CPT1A: variants seen among roughly 807,000 people sequenced by gnomAD.
The protein encoded by CPT1A is carnitine O-palmitoyltransferase 1, liver isoform.
Under a neutral mutation model 100.8 loss-of-function variants are expected in CPT1A, and 64 were observed. The observed-to-expected ratio is 0.63, with a 90% CI of 0.52 to 0.78. The LOEUF (loss-of-function observed/expected upper bound fraction) is 0.78. CPT1A is among the 30% of genes least tolerant of loss of function. The probability of loss-of-function intolerance (pLI) is 0.00; values close to 1 mark genes in which losing one functional copy is unlikely to be tolerated. For missense variants in CPT1A, 802 were observed against 1,034.1 expected (o/e 0.78, Z 3.08); for synonymous variants, 363 against 396.0 (o/e 0.92, Z 0.99).
intron 12 of CPT1A, among the ~76,000 whole-genome samples, chr11:68,777,239 G>A (rs1855165157): frequency 1.3e-5 from 2 of 152,074 alleles, no homozygotes; most frequent in African/African-American, 2.4e-5. Context: ...AGACCAGCCT[G>A]GGCAATGTGG....
chr11:68,767,813 G>C (rs909866498), intron 14 of CPT1A, among the ~76,000 whole-genome samples: 1 of 152,176 alleles, frequency 6.6e-6, no homozygotes, highest in South Asian at 2.1e-4. Flanking sequence ...TGGGTTCACC[G>C]GGTTTTGTGT....
chr11:68,808,410 T>C (rs1365594906), intron 3 of CPT1A, among the ~76,000 whole-genome samples: 1 of 151,690 alleles, frequency 6.6e-6, no homozygotes, highest in African/African-American at 2.4e-5. Flanking sequence ...CTCGCTCTGC[T>C]GCCCAGGCTG....
At chr11:68,812,839 G>GC (rs1210409680) in intron 2 of CPT1A, among the ~76,000 whole-genome samples, 2 of 152,082 alleles carry the variant, frequency 1.3e-5, no homozygotes, top group Admixed American at 1.3e-4. Flanking sequence ...GACGCCCCGG[G>GC]CCATGATAAT....
chr11:68,782,836 C>G (rs2924683), intron 10 of CPT1A, among the ~76,000 whole-genome samples: 139,979 of 152,274 alleles, frequency 0.92, 64,557 homozygotes, highest in Non-Finnish European at 0.95. Flanking sequence ...AAAGGTGACG[C>G]TGACGGTGGC....
In CPT1A at chr11:68,761,615, C is replaced by T. The variant is rs760769734; in HGVS notation, c.1948G>A (p.Gly650Ser). The T allele has an allele frequency of 3.7e-6, 6 of 1,613,962 alleles. No individual in the cohort carries two copies. The highest frequency in any genetic ancestry group is 2.2e-5 in the East Asian group (1 of 44,878). ...AAGAGGTGACGATCGATCCCAGAGC[C>T]GGTCATGGCGAGGCGATACATATGC... ...HQHMYRLAMT[G>S]SGIDRHLFCL... Residue 650 changes from glycine to serine, a missense_variant, in exon 16 of 19, where the codon GGC becomes AGC. Gly to Ser is a moderately conservative substitution (Grantham distance 56). Around this residue, in one of 4 missense-constraint regions of CPT1A, gnomAD observed 627 missense variants for 799.3 expected, o/e 0.78. Transcript: ENST00000265641.
At chr11:68,814,468 G>A (rs1267683486) in intron 2 of CPT1A, among the ~76,000 whole-genome samples, 3 of 151,822 alleles carry the variant, frequency 2.0e-5, no homozygotes, top group South Asian at 4.2e-4. Context: ...CACCACGCCC[G>A]GCTAATTTTT....
Position 68,814,338 on chromosome 11 carries a change from G to A in CPT1A, c.141+996C>T, listed in dbSNP as rs934302102. ...TTTGTTTTTTTTGAGACAGAGTCTC[G>A]CTCTCTCACCCAGGCTGGAGTGCAG... On this transcript the variant is annotated intron_variant, in intron 2 of 18. Transcript: ENST00000265641. 2.0e-5 allele frequency among the ~76,000 whole-genome samples: 3 copies of A among 151,976 alleles called. 1 individual carries two copies. The highest frequency in any genetic ancestry group is 7.3e-5 in the African/African-American group (3 of 41,358).
At chr11:68,824,600 C>G (rs537959008) in intron 1 of CPT1A, among the ~76,000 whole-genome samples, 18 of 152,316 alleles carry the variant, frequency 1.2e-4, no homozygotes, top group Admixed American at 3.9e-4. Flanking sequence ...GAGTCTCGCT[C>G]TGCTGCCCAG....
intron 1 of CPT1A, among the ~76,000 whole-genome samples, chr11:68,838,579 A>AAAAAAAACAAAAC (rs1555235325): frequency 5.5e-5 from 8 of 144,364 alleles, no homozygotes; most frequent in African/African-American, 2.0e-4. Context: ...TTTTAAAAAA[A>AAAAAAAACAAAAC]AAAAAAAAAA....
At chr11:68,817,297 G>A (rs1856454529) in intron 1 of CPT1A, among the ~76,000 whole-genome samples, 1 of 152,062 alleles carries the variant, frequency 6.6e-6, no homozygotes, top group Non-Finnish European at 1.5e-5. Context: ...CCCTGTTACA[G>A]AAATCAGCCT....
intron 5 of CPT1A, among the ~76,000 whole-genome samples, chr11:68,801,694 G>A (rs1855906738): frequency 6.6e-6 from 1 of 151,526 alleles, no homozygotes; most frequent in Admixed American, 6.6e-5. Flanking sequence ...CAGTAACCAA[G>A]CCTGGATTCA....
chr11:68,761,724 G>A, intron 15 of CPT1A, 37 bp from the exon 16 acceptor site: 1 of 1,612,822 alleles, frequency 6.2e-7, no homozygotes, highest in South Asian at 1.1e-5. Flanking sequence ...TATGTTGCAT[G>A]TCTCAAGTTG....
chr11:68,832,275 C>T (rs956564299), intron 1 of CPT1A, among the ~76,000 whole-genome samples: 3 of 152,204 alleles, frequency 2.0e-5, no homozygotes, highest in East Asian at 3.9e-4. Context: ...ATGGTGAAAC[C>T]CTGTCTCTAC....
In CPT1A at chr11:68,785,114, C is replaced by T. The variant is rs71463701; in HGVS notation, c.968-104G>A. 1.3e-5 allele frequency: 12 copies of T among 943,346 alleles called. No homozygotes were observed. The Middle Eastern group carries it at 6.3e-4, about 50-fold the overall frequency. 58.4% of individuals were successfully genotyped at this position (943,346 alleles called of 1,614,324 possible). ...TGCAAAGGGCATGGGAGTCCCTGCT[C>T]TGCGTCTCTCCAGGCAGCCTCAGGA... On this transcript the variant is annotated intron_variant, in intron 9 of 18. Coordinates refer to ENST00000265641, the MANE Select transcript of CPT1A (RefSeq NM_001876.4).
rs1400932181 is a variant in CPT1A at position 68,775,390 on chromosome 11, C to T, written c.1501G>A (p.Asp501Asn). The change falls in exon 13 of 19, where the codon GAT becomes AAT. Residue 501 changes from aspartate to asparagine, a missense_variant. By Grantham distance (23) the Asp-to-Asn change is conservative. Coordinates refer to ENST00000265641, the MANE Select transcript of CPT1A (RefSeq NM_001876.4). ...TTGATGTCGCCTTTGCAGTGCCCATCCTCCGCATAGCCCAGCTGGAGGCTG... is the reference window on the plus strand; with the variant it reads ...TTGATGTCGCCTTTGCAGTGCCCATTCTCCGCATAGCCCAGCTGGAGGCTG... Reference protein sequence around the residue: ...IDSLQLGYAEDGHCKGDINPN... With the variant: ...IDSLQLGYAENGHCKGDINPN... The T allele has an allele frequency of 6.2e-7, 1 of 1,614,232 alleles. No homozygotes were observed. Among genetic ancestry groups the T allele is most frequent in the South Asian group, 1.1e-5 (1 of 91,092 alleles).
At chr11:68,777,112 C>T (rs1399607429) in intron 12 of CPT1A, among the ~76,000 whole-genome samples, 2 of 152,120 alleles carry the variant, frequency 1.3e-5, no homozygotes, top group African/African-American at 2.4e-5. Flanking sequence ...TCCAGAAGAG[C>T]CTGACACAGA....
At chr11:68,773,821 G>A (rs934942720) in intron 13 of CPT1A, 5 of 313,956 alleles carry the variant, frequency 1.6e-5, no homozygotes, top group African/African-American at 6.5e-5. Flanking sequence ...GCAGCTTCCC[G>A]ATAAGATCTC....
At chr11:68,811,997 T>C (rs897521258) in intron 3 of CPT1A, among the ~76,000 whole-genome samples, 1 of 151,960 alleles carries the variant, frequency 6.6e-6, no homozygotes, top group Admixed American at 6.6e-5. Flanking sequence ...GTTAAGTGGG[T>C]GAGGTCCCTG....
chr11:68,779,491 T>TAA (rs369619747), intron 12 of CPT1A, among the ~76,000 whole-genome samples: 60,646 of 86,624 alleles, frequency 0.7, 21,939 homozygotes, highest in East Asian at 0.84. Flanking sequence ...AACGAATTAT[T>TAA]AAAAAAAAAA....
Sources: gnomAD v4.1 joint callset for allele counts (sites outside exome capture counted in the v4.1 genomes callset) on GRCh38, gnomAD v4.1.1 for gene constraint, gnomAD v4.1.1 regional missense constraint, MANE v1.5 for transcripts, NCBI Gene and HGNC (gene_info 2026-07-23, HGNC 2026-07-21) for gene names.